The following CNTRL variants were observed in gnomAD, a reference collection of about 807,000 sequenced individuals.
The protein encoded by CNTRL is 110 kDa centrosomal protein.
CNTRL carries 233 observed loss-of-function variants against 303.7 expected under a neutral mutation model. The observed-to-expected ratio is 0.77, with a 90% confidence interval of 0.69 to 0.86. The LOEUF is 0.86. CNTRL is among the 40% of genes least tolerant of loss of function. The pLI is 0.00. For synonymous variants in CNTRL, 900 were observed against 922.2 expected, an observed-to-expected ratio of 0.98 and a Z score of 0.44; for missense variants, 2,524 against 2,650.6, an observed-to-expected ratio of 0.95 and a Z score of 1.05.
At chr9:121,168,075 T>C (rs766468822) in intron 37 of CNTRL, 21 bp from the exon 38 acceptor site, 1 of 1,595,168 alleles carries the variant, frequency 6.3e-7, no homozygotes, top group African/African-American at 1.3e-5. Context: ...TAATGACTAA[T>C]CAAGATTATT....
chr9:121,147,636 A>C (rs1242454882), intron 23 of CNTRL, among the ~76,000 whole-genome samples: 1 of 152,164 alleles, frequency 6.6e-6, no homozygotes, highest in Non-Finnish European at 1.5e-5. Context: ...GAATGTTGAA[A>C]GTGAGGAGAA....
At position 121,107,843 on chromosome 9, in the gene CNTRL, A is replaced by G. The variant is rs1370903218; in HGVS notation, c.850A>G (p.Ile284Val). 1 of 1,594,344 alleles carries G rather than the reference A, an allele frequency of 6.3e-7. No individual in the cohort carries two copies. Among genetic ancestry groups the G allele is most frequent in the African/African-American group, 1.4e-5 (1 of 73,470 alleles). Residue 284 changes from isoleucine to valine, a missense_variant, in exon 8 of 44, where the codon ATA becomes GTA. Physicochemically the swap from Ile to Val is conservative, Grantham distance 29 (BLOSUM62 3). Transcript: ENST00000373855. ...GGAAAGAGACCTAGAAAAAAAGATG[A>G]TAGAAACTGAAGAGCTTAAGAGCAA... ...RLERDLEKKM[I>V]ETEELKSKQT...
Position 121,098,419 on chromosome 9 carries a change from G to T in CNTRL, c.655G>T (p.Asp219Tyr), listed in dbSNP as rs2048983626. 2 of 1,613,040 alleles carry T rather than the reference G, an allele frequency of 1.2e-6. No individual in the cohort carries two copies. Among genetic ancestry groups the T allele is most frequent in the Non-Finnish European group, 1.7e-6 (2 of 1,179,302 alleles). The change falls in exon 7 of 44, where the codon GAT becomes TAT. Residue 219 changes from aspartate to tyrosine, a missense_variant. Physicochemically the swap from Asp to Tyr is radical, Grantham distance 160. Transcript: ENST00000373855. ...TATAAGCAAGTTGAAACCGCTTCAA[G>T]ATTTGATTTCTCTGATCCTAGTTGA... ...QDISKLKPLQ[D>Y]LISLILVENP...
intron 26 of CNTRL, 106 bp downstream of exon 26, chr9:121,152,799 A>C: frequency 1.2e-6 from 1 of 869,170 alleles, no homozygotes; most frequent in Non-Finnish European, 1.8e-6. Flanking sequence ...TTCTGTCCAA[A>C]ACAGTAACCA....
At chr9:121,117,301 G>T (rs1250851910) in intron 11 of CNTRL, among the ~76,000 whole-genome samples, 1 of 151,960 alleles carries the variant, frequency 6.6e-6, no homozygotes, top group Non-Finnish European at 1.5e-5. Context: ...GCAGTTATGG[G>T]GAATTACATA....
intron 14 of CNTRL, among the ~76,000 whole-genome samples, chr9:121,129,970 C>G (rs973792041): frequency 3.3e-5 from 5 of 152,154 alleles, no homozygotes; most frequent in Non-Finnish European, 5.9e-5. Context: ...AGCCTTGCAT[C>G]CCAGGGATGA....
chr9:121,157,956 T>C (rs1406651808), intron 29 of CNTRL, 27 bp from the exon 30 acceptor site: 1 of 1,614,092 alleles, frequency 6.2e-7, no homozygotes, highest in East Asian at 2.2e-5. Context: ...CCTTAGGATC[T>C]GCTCTAGTGT....
Position 121,112,498 on chromosome 9 carries a change from A to G in CNTRL, c.1042A>G (p.Lys348Glu), listed in dbSNP as rs914397140. ...KTIELTRACQ[K>E]QYELEQELAF... is the part of the protein sequence containing the mutation. ...CATAGAATTAACACGAGCATGTCAG[A>G]AGCAATATGAGCTGGAACAGGAATT... is the stretch of plus-strand genomic sequence containing the variant. Residue 348 changes from lysine to glutamate, a missense_variant, in exon 9 of 44, where the codon AAG becomes GAG. By Grantham distance (56) the Lys-to-Glu change is moderately conservative. Transcript: ENST00000373855. The G allele has an allele frequency of 6.2e-6, 10 of 1,613,148 alleles. No homozygotes were observed. Among genetic ancestry groups the G allele is most frequent in the South Asian group, 1.1e-5 (1 of 91,054 alleles).
chr9:121,138,454 A>AT (rs2051316242), intron 15 of CNTRL, 91 bp from the exon 16 acceptor site: 1 of 1,290,192 alleles, frequency 7.8e-7, no homozygotes, highest in Admixed American at 2.1e-5. Flanking sequence ...CTAGCAAGGG[A>AT]TTGTGTGTAT....
intron 2 of CNTRL, among the ~76,000 whole-genome samples, chr9:121,086,191 A>G (rs918244500): frequency 6.6e-6 from 1 of 152,216 alleles, no homozygotes; most frequent in Non-Finnish European, 1.5e-5. Context: ...ATATGTATTG[A>G]GTTCCTGCTA....
chr9:121,151,058 GATTT>G (rs1180714281), intron 25 of CNTRL, among the ~76,000 whole-genome samples: 6 of 152,118 alleles, frequency 3.9e-5, no homozygotes, highest in South Asian at 2.1e-4. Flanking sequence ...CTCTAGGTAG[GATTT>G]ATTTATTATT....
chr9:121,074,989 G>A lies in CNTRL; in HGVS notation c.-283G>A, dbSNP rs1157785636. On this transcript the variant is annotated 5_prime_UTR_variant, in exon 1 of 44. Transcript: ENST00000373855. Reference sequence around the variant, plus strand: ...AACACAACAAAATGGCTGCCGCGCCGCTGGGCCCCTGAGGAAAGAGCCCGA... The same window carrying A: ...AACACAACAAAATGGCTGCCGCGCCACTGGGCCCCTGAGGAAAGAGCCCGA... 1 of 455,662 alleles carries A rather than the reference G, an allele frequency of 2.2e-6. No individual in the cohort carries two copies. Among genetic ancestry groups the A allele is most frequent in the South Asian group, 1.6e-5 (1 of 64,506 alleles). The allele number at this position is 455,662 out of a possible 1,614,324, so 28.2% of individuals were successfully genotyped here.
chr9:121,130,337 C>A (rs1211941164), intron 14 of CNTRL, among the ~76,000 whole-genome samples: 1 of 152,162 alleles, frequency 6.6e-6, no homozygotes, highest in East Asian at 1.9e-4. Context: ...AGAGATTCAA[C>A]TTCTTCCTGG....
intron 43 of CNTRL, among the ~76,000 whole-genome samples, chr9:121,176,235 A>G (rs951108938): frequency 3.3e-5 from 5 of 152,234 alleles, no homozygotes; most frequent in African/African-American, 1.2e-4. Context: ...ATAGCAAAGG[A>G]CAACAGCAGG....
intron 27 of CNTRL, among the ~76,000 whole-genome samples, chr9:121,155,727 T>A (rs2052535198): frequency 6.6e-6 from 1 of 152,236 alleles, no homozygotes; most frequent in Non-Finnish European, 1.5e-5. Context: ...TTGTAAATGT[T>A]TCATTTAACC....
intron 23 of CNTRL, 52 bp from the exon 24 acceptor site, chr9:121,148,620 A>G: frequency 6.6e-7 from 1 of 1,512,568 alleles, no homozygotes; most frequent in Non-Finnish European, 9.0e-7. Flanking sequence ...GTTTCTTAAA[A>G]TCAGCCTTTC....
intron 7 of CNTRL, among the ~76,000 whole-genome samples, chr9:121,099,024 ATTAGAG>A (rs1195721734): frequency 6.6e-6 from 1 of 152,138 alleles, no homozygotes. Context: ...GTGAAAGAAG[ATTAGAG>A]TTAAACGTCC....
intron 14 of CNTRL, among the ~76,000 whole-genome samples, chr9:121,131,747 G>T (rs2050873206): frequency 6.6e-6 from 1 of 152,162 alleles, no homozygotes; most frequent in South Asian, 2.1e-4. Flanking sequence ...TTACAATTTG[G>T]CATGTTTTTG....
intron 26 of CNTRL, among the ~76,000 whole-genome samples, chr9:121,152,917 A>G (rs1341202243): frequency 1.3e-5 from 2 of 152,234 alleles, no homozygotes; most frequent in Non-Finnish European, 2.9e-5. Context: ...ATATTGAGCA[A>G]TACAGGTCTG....
Sources: allele counts gnomAD v4.1 joint callset (sites outside exome capture counted in the v4.1 genomes callset), GRCh38; gene constraint gnomAD v4.1.1; transcripts MANE v1.5; gene names NCBI Gene and HGNC (gene_info 2026-07-23, HGNC 2026-07-21).